Variants in SUGCT observed in about 807,000 individuals in gnomAD.
SUGCT encodes succinyl-CoA:glutarate-CoA transferase.
A neutral mutation model predicts 55.0 loss-of-function variants in SUGCT; 41 were observed. The ratio of observed to expected loss-of-function variants is 0.74; its 90% confidence interval spans 0.58 to 0.97. SUGCT has a LOEUF of 0.97. Among genes scored for constraint, SUGCT ranks in the 50% least tolerant of loss-of-function variants. The probability of loss-of-function intolerance (pLI) is 0.00; values close to 1 mark genes in which losing one functional copy is unlikely to be tolerated. For missense variants in SUGCT, 568 were observed against 547.8 expected (o/e 1.04, Z -0.37); for synonymous variants, 187 against 200.4 (o/e 0.93, Z 0.56).
intron 13 of SUGCT, among the ~76,000 whole-genome samples, chr7:40,796,457 G>C (rs1302298159): frequency 1.3e-5 from 2 of 152,112 alleles, no homozygotes; most frequent in African/African-American, 4.8e-5. Context: ...ACGATGATGA[G>C]GAAAAGGAGA....
downstream of SUGCT, among the ~76,000 whole-genome samples, chr7:40,862,177 C>T (rs1001226567): frequency 1.3e-5 from 2 of 152,160 alleles, no homozygotes; most frequent in Non-Finnish European, 2.9e-5. Context: ...GCAAAGAGGA[C>T]AGAAAATTCC....
the SUGCT span, among the ~76,000 whole-genome samples, chr7:40,998,093 G>A: frequency 2.0e-5 from 3 of 152,134 alleles, no homozygotes; most frequent in Non-Finnish European, 2.9e-5. Flanking sequence ...GTAGGTGTGG[G>A]CAGTGGCTCA....
At chr7:40,917,727 T>C in the SUGCT span, among the ~76,000 whole-genome samples, 2 of 152,184 alleles carry the variant, frequency 1.3e-5, no homozygotes, top group Non-Finnish European at 2.9e-5. Context: ...GATTTGGCCT[T>C]TGGCGAGGGC....
chr7:40,703,348 T>C (rs1281071032), intron 12 of SUGCT, among the ~76,000 whole-genome samples: 2 of 152,146 alleles, frequency 1.3e-5, no homozygotes, highest in Non-Finnish European at 2.9e-5. Context: ...ACCATGGTTC[T>C]TTTGAACAGA....
intron 9 of SUGCT, among the ~76,000 whole-genome samples, chr7:40,368,436 A>T (rs1394350764): frequency 1.3e-5 from 2 of 151,990 alleles, no homozygotes; most frequent in African/African-American, 4.8e-5. Context: ...TGACCTTGTG[A>T]TCCCTCCTCC....
chr7:40,146,845 G>A (rs572353564), intron 1 of SUGCT, among the ~76,000 whole-genome samples: 1 of 152,310 alleles, frequency 6.6e-6, no homozygotes, highest in South Asian at 2.1e-4. Flanking sequence ...GTATTGGAGT[G>A]TTATAGGGTC....
chr7:40,242,927 ATATATATTTTTT>A (rs1172017871), intron 7 of SUGCT, among the ~76,000 whole-genome samples: 2 of 27,282 alleles, frequency 7.3e-5, no homozygotes, highest in African/African-American at 2.6e-4. Flanking sequence ...ATATATATAT[ATATATATTTTTT>A]TTTTTTTTTT....
In SUGCT at chr7:40,812,037, T is replaced by G. The variant is rs146568191; in HGVS notation, c.1154-48279T>G. Among the ~76,000 whole-genome samples the G allele has an allele frequency of 3.0e-3, 461 of 152,336 alleles. 4 individuals are homozygous for G. Among genetic ancestry groups the G allele is most frequent in the African/African-American group, 0.011 (449 of 41,586 alleles). On this transcript the variant is annotated intron_variant, in intron 13 of 13. Coordinates refer to ENST00000335693, the MANE Select transcript of SUGCT (RefSeq NM_001193313.2). ...ATCATATGGTTTTTGGTTTTGATTTTATGTTTATGTGGTGAAGCACATTTA... is the reference window on the plus strand; with the variant it reads ...ATCATATGGTTTTTGGTTTTGATTTGATGTTTATGTGGTGAAGCACATTTA...
At chr7:40,857,230 TCTA>T (rs1794224748) in intron 13 of SUGCT, among the ~76,000 whole-genome samples, 1 of 152,246 alleles carries the variant, frequency 6.6e-6, no homozygotes, top group African/African-American at 2.4e-5. Context: ...TCTGTCATTT[TCTA>T]CTTTTTGAAA....
chr7:40,857,912 A>G (rs956743489), intron 13 of SUGCT, among the ~76,000 whole-genome samples: 2 of 152,190 alleles, frequency 1.3e-5, no homozygotes, highest in Non-Finnish European at 2.9e-5. Flanking sequence ...TCAATAAATT[A>G]TTATTATTTT....
intron 13 of SUGCT, among the ~76,000 whole-genome samples, chr7:40,822,281 C>T (rs971182247): frequency 6.6e-5 from 10 of 152,114 alleles, no homozygotes; most frequent in Admixed American, 1.3e-4. Context: ...CTATTAGGTC[C>T]GCTTGGTGCA....
At chr7:40,861,912 T>C (rs1489401911), downstream of SUGCT, among the ~76,000 whole-genome samples, 1 of 152,336 alleles carries the variant, frequency 6.6e-6, no homozygotes, top group Middle Eastern at 3.4e-3. Context: ...TTTTCCCCCA[T>C]TGGCTAATTC....
chr7:40,348,430 G>A (rs1034782816), intron 9 of SUGCT, among the ~76,000 whole-genome samples: 1 of 152,174 alleles, frequency 6.6e-6, no homozygotes, highest in African/African-American at 2.4e-5. Context: ...TTGTGAATGA[G>A]TCCCGTTAGA....
chr7:40,437,041 A>G (rs2151398675), intron 9 of SUGCT, among the ~76,000 whole-genome samples: 1 of 152,332 alleles, frequency 6.6e-6, no homozygotes, highest in South Asian at 2.1e-4. Context: ...TTCCTCAGGA[A>G]GAAAAACTCT....
chr7:40,382,015 CTGTG>C (rs949063743), intron 9 of SUGCT, among the ~76,000 whole-genome samples: 2 of 146,608 alleles, frequency 1.4e-5, no homozygotes, highest in East Asian at 2.0e-4. Context: ...GTGTGTGTGT[CTGTG>C]TGTGTGTGTG....
intron 12 of SUGCT, among the ~76,000 whole-genome samples, chr7:40,571,383 AT>A (rs1419974084): frequency 1.3e-5 from 2 of 152,186 alleles, no homozygotes; most frequent in African/African-American, 4.8e-5. Flanking sequence ...TATGAAATTT[AT>A]TGTGAGAAAG....
chr7:40,355,603 GA>G (rs1328656150), intron 9 of SUGCT, among the ~76,000 whole-genome samples: 2 of 151,804 alleles, frequency 1.3e-5, no homozygotes, highest in Non-Finnish European at 2.9e-5. Context: ...AATAAGAGAG[GA>G]AAACATCTCA....
At chr7:40,473,705 T>C (rs567190353) in intron 11 of SUGCT, among the ~76,000 whole-genome samples, 1 of 152,180 alleles carries the variant, frequency 6.6e-6, no homozygotes, top group Non-Finnish European at 1.5e-5. Context: ...CCAGCTCAGT[T>C]TGAGTTACAT....
rs377694308 is a variant in SUGCT, at chr7:40,393,088, A to G, written c.817-56199A>G. Among the ~76,000 whole-genome samples the G allele has an allele frequency of 1.2e-4, 19 of 152,284 alleles. 1 individual carries two copies. The South Asian group carries it at 3.7e-3, about 30-fold the overall frequency. ...TCTTGTCGGCAGAGATTTGGGGTGG[A>G]AACAGTTGAGGAATTTTTATCATCT... On this transcript the variant is annotated intron_variant, in intron 9 of 13. Coordinates refer to ENST00000335693, the MANE Select transcript of SUGCT (RefSeq NM_001193313.2).
Sources: allele counts gnomAD v4.1 joint callset (sites outside exome capture counted in the v4.1 genomes callset), GRCh38; gene constraint gnomAD v4.1.1; transcripts MANE v1.5; gene names NCBI Gene and HGNC (gene_info 2026-07-23, HGNC 2026-07-21).